MACF1: variants seen among roughly 807,000 people sequenced by gnomAD.
MACF1 encodes the protein microtubule actin crosslinking factor 1.
A neutral mutation model predicts 854.8 loss-of-function variants in MACF1; 193 were observed. The observed-to-expected ratio is 0.23, with a 90% confidence interval of 0.20 to 0.25. The LOEUF (loss-of-function observed/expected upper bound fraction) is 0.25, where lower values mean the gene tolerates loss of function less well. Ranked by LOEUF, MACF1 falls within the 10% of genes least tolerant of loss-of-function variation. MACF1 has a pLI of 1.00. For synonymous variants in MACF1, 3,185 were observed against 3,226.7 expected (o/e 0.99, Z 0.44); for missense variants, 7,722 against 8,929.1 (o/e 0.86, Z 5.45).
chr1:39,094,524 C>T (rs1641889478), intron 2 of MACF1, among the ~76,000 whole-genome samples: 1 of 151,932 alleles, frequency 6.6e-6, no homozygotes, highest in African/African-American at 2.4e-5. Context: ...GAGTTCGATA[C>T]CAGCCTCAAC....
At chr1:39,477,071 A>ATACACACACATATATACACTTAG (rs1553457821) in intron 97 of MACF1, among the ~76,000 whole-genome samples, 1 of 16,810 alleles carries the variant, frequency 5.9e-5, no homozygotes, top group Non-Finnish European at 1.0e-4. Flanking sequence ...ATATATATAT[A>ATACACACACATATATACACTTAG]TATATATATA....
At chr1:39,414,111 C>T (rs781370789) in intron 58 of MACF1, 1 of 1,607,780 alleles carries the variant, frequency 6.2e-7, no homozygotes, top group Non-Finnish European at 8.5e-7. Flanking sequence ...AGCCTGCCTC[C>T]CCAGCAGCTG....
At chr1:39,134,307 A>G (rs899186437) in intron 2 of MACF1, among the ~76,000 whole-genome samples, 6 of 151,874 alleles carry the variant, frequency 4.0e-5, no homozygotes, top group African/African-American at 7.3e-5. Flanking sequence ...CGGCCTCCCA[A>G]AGTGCTGGGA....
In MACF1 at chr1:39,309,579, A is replaced by G. The variant is rs199567536; in HGVS notation, c.2799A>G (p.Gln933=). The change falls in exon 24 of 101, where the codon CAA becomes CAG. Residue 933 remains glutamine (Q), a synonymous_variant. Coordinates refer to ENST00000564288, the MANE Select transcript of MACF1 (RefSeq NM_001394062.1). ...TCTGTGTTATTTCTAGGGTCGAACAATCTTATCAGAAGGTTATGGCCCTTT... is the reference window on the plus strand; with the variant it reads ...TCTGTGTTATTTCTAGGGTCGAACAGTCTTATCAGAAGGTTATGGCCCTTT... The part of the protein sequence containing the change: ...DAIEMASRVE[Q]SYQKVMALWH... 2.3e-5 allele frequency: 37 copies of G among 1,614,162 alleles called. No homozygotes were observed. Among genetic ancestry groups the G allele is most frequent in the Non-Finnish European group, 1.7e-6 (2 of 1,179,994 alleles).
Position 39,360,974 on chromosome 1 carries a change from C to T in MACF1, c.12426C>T (p.Val4142=), listed in dbSNP as rs375208671. 1.6e-5 allele frequency: 26 copies of T among 1,613,962 alleles called. No individual in the cohort carries two copies. Among genetic ancestry groups the T allele is most frequent in the Middle Eastern group, 3.3e-4 (2 of 6,082 alleles). The change falls in exon 48 of 101, where the codon GTC becomes GTT. Residue 4142 remains valine, a synonymous_variant. Transcript: ENST00000564288. ...AGGTGTCATCACTCTCATCAGGAGT[C>T]ATCCAGGAAGCCTTAGCCACAAATA... ...GKQVSSLSSG[V]IQEALATNMK...
In MACF1 at chr1:39,331,172, C is replaced by CTTT. The variant is rs71060310; in HGVS notation, c.4615-5_4615-3dup. 1,483 of 1,302,388 alleles carry CTTT rather than the reference C, an allele frequency of 1.1e-3. 22 individuals are homozygous for CTTT. Among genetic ancestry groups the CTTT allele is most frequent in the African/African-American group, 0.01 (507 of 48,750 alleles). The allele number at this position is 1,302,388 out of a possible 1,614,324, so 80.7% of individuals were successfully genotyped here. On this transcript the variant is annotated intron_variant, in intron 36 of 100. Coordinates refer to ENST00000564288, the MANE Select transcript of MACF1 (RefSeq NM_001394062.1). ...TCAGTTTTCTTTTTCTTCTCTTTTC[C>CTTT]TTTTTTTTTTTTTTTTTTTTTTTTT...
intron 1 of MACF1, among the ~76,000 whole-genome samples, chr1:39,207,464 G>A (rs1644464610): frequency 6.6e-6 from 1 of 151,858 alleles, no homozygotes; most frequent in Non-Finnish European, 1.5e-5. Flanking sequence ...ATTTTTAGTA[G>A]AGACGGGGTT....
chr1:39,254,092 AC>A, intron 4 of MACF1: 1 of 557,906 alleles, frequency 1.8e-6, no homozygotes, highest in Non-Finnish European at 3.2e-6. Flanking sequence ...GCGTAGTGGT[AC>A]ACAAGACATT....
At chr1:39,400,858 A>G (rs924444367) in intron 58 of MACF1, among the ~76,000 whole-genome samples, 1 of 152,192 alleles carries the variant, frequency 6.6e-6, no homozygotes, top group African/African-American at 2.4e-5. Flanking sequence ...CCTAGGGATC[A>G]TCATTCTCCA....
intron 2 of MACF1, among the ~76,000 whole-genome samples, chr1:39,128,782 G>T (rs1488377964): frequency 6.6e-6 from 1 of 152,034 alleles, no homozygotes. Context: ...TACCTTTGAA[G>T]CTCAGTTCAA....
chr1:39,181,216 G>A (rs1644100805), intron 2 of MACF1, among the ~76,000 whole-genome samples: 2 of 152,124 alleles, frequency 1.3e-5, no homozygotes, highest in South Asian at 2.1e-4. Flanking sequence ...CCAGTAATCA[G>A]TATCTTTTTA....
intron 2 of MACF1, among the ~76,000 whole-genome samples, chr1:39,172,653 T>C (rs1432722300): frequency 6.6e-6 from 1 of 152,242 alleles, no homozygotes; most frequent in Non-Finnish European, 1.5e-5. Context: ...TGGCTGTTCT[T>C]GTTCACCACT....
At chr1:39,124,639 T>A (rs1216371856) in intron 2 of MACF1, among the ~76,000 whole-genome samples, 1 of 152,206 alleles carries the variant, frequency 6.6e-6, no homozygotes, top group Non-Finnish European at 1.5e-5. Context: ...TTTATAAAGC[T>A]GTATTGTGTG....
In MACF1 at chr1:39,441,966, G is replaced by T. The variant is rs1201537875; in HGVS notation, c.18687G>T (p.Trp6229Cys). The part of the protein sequence containing the change: ...YQDTLQAMFD[W>C]LDNTVIKLCT... ...TTTTGTTCTAGGCTATGTTTGACTG[G>T]CTAGATAACACTGTGATTAAACTCT... Residue 6229 changes from tryptophan (W) to cysteine (C), a missense_variant, in exon 75 of 101, where the codon TGG becomes TGT. This residue lies in a region of MACF1 where 2,807 missense variants were observed against 3,235.8 expected (regional missense o/e 0.87). Coordinates refer to ENST00000564288, the MANE Select transcript of MACF1 (RefSeq NM_001394062.1). 1 of 1,613,636 alleles carries T rather than the reference G, an allele frequency of 6.2e-7. No individual in the cohort carries two copies. The highest frequency in any genetic ancestry group is 8.5e-7 in the Non-Finnish European group (1 of 1,179,824).
At chr1:39,326,747 A>T (rs1014402923) in intron 35 of MACF1, among the ~76,000 whole-genome samples, 1 of 152,032 alleles carries the variant, frequency 6.6e-6, no homozygotes, top group African/African-American at 2.4e-5. Context: ...GTAAAATAGT[A>T]AATTGTGAAA....
At chr1:39,173,643 A>G (rs932645407) in intron 2 of MACF1, among the ~76,000 whole-genome samples, 2 of 152,216 alleles carry the variant, frequency 1.3e-5, no homozygotes, top group African/African-American at 4.8e-5. Flanking sequence ...AATCAGGAGT[A>G]GAGACTCTGT....
chr1:39,407,823 C>T (rs975520766), intron 58 of MACF1, among the ~76,000 whole-genome samples: 3 of 152,232 alleles, frequency 2.0e-5, no homozygotes, highest in African/African-American at 7.2e-5. Flanking sequence ...ATATTGACCA[C>T]ATGGTCCGAC....
At chr1:39,429,805 A>G (rs774087559) in intron 64 of MACF1, 22 bp from the exon 65 acceptor site, 1 of 1,612,286 alleles carries the variant, frequency 6.2e-7, no homozygotes, top group Admixed American at 1.7e-5. Flanking sequence ...AAATATGAGT[A>G]ATTGTGTGCT....
At chr1:39,146,463 A>C (rs1401665517) in intron 2 of MACF1, among the ~76,000 whole-genome samples, 1 of 151,694 alleles carries the variant, frequency 6.6e-6, no homozygotes, top group African/African-American at 2.4e-5. Context: ...AAAAAAAAAA[A>C]AGAAAGAAAG....
Sources: allele counts gnomAD v4.1 joint callset (sites outside exome capture counted in the v4.1 genomes callset), GRCh38; gene constraint gnomAD v4.1.1; regional missense constraint gnomAD v4.1.1; transcripts MANE v1.5; gene names NCBI Gene and HGNC (gene_info 2026-07-23, HGNC 2026-07-21).